Variants in COMMD10 observed in about 807,000 individuals in gnomAD.
The protein encoded by COMMD10 is COMM domain containing 10, also known as COMM domain-containing protein 10.
A neutral mutation model predicts 28.9 loss-of-function variants in COMMD10; 33 were observed. The ratio of observed to expected loss-of-function variants is 1.14; its 90% CI spans 0.87 to 1.53. The LOEUF is 1.53. COMMD10 is among the 40% of genes most tolerant of loss of function. The pLI is 0.00. For missense variants in COMMD10, 310 were observed against 233.4 expected (o/e 1.33, Z -2.14); for synonymous variants, 110 against 81.7 (o/e 1.35, Z -1.87).
chr5:116,265,351 TA>T (rs1750557656), intron 5 of COMMD10, among the ~76,000 whole-genome samples: 1 of 151,724 alleles, frequency 6.6e-6, no homozygotes, highest in Non-Finnish European at 1.5e-5. Flanking sequence ...TCAGACAACC[TA>T]TAGGTATGAG....
intron 5 of COMMD10, among the ~76,000 whole-genome samples, chr5:116,230,093 G>A (rs1336154591): frequency 6.6e-6 from 1 of 151,796 alleles, no homozygotes; most frequent in African/African-American, 2.4e-5. Flanking sequence ...TGTCTATTTT[G>A]CAGTATTTTC....
At chr5:116,252,104 G>T (rs1199409703) in intron 5 of COMMD10, among the ~76,000 whole-genome samples, 1 of 149,332 alleles carries the variant, frequency 6.7e-6, no homozygotes, top group African/African-American at 2.5e-5. Flanking sequence ...CTTCTTTTGA[G>T]AAGTGTCTGT....
At chr5:116,271,649 C>T (rs982692316) in intron 5 of COMMD10, among the ~76,000 whole-genome samples, 1 of 151,736 alleles carries the variant, frequency 6.6e-6, no homozygotes, top group Non-Finnish European at 1.5e-5. Flanking sequence ...AATGGTTTCA[C>T]ATTAGTCTGG....
In COMMD10 at chr5:116,282,873, A is replaced by T. The variant is rs527465050; in HGVS notation, c.511-8644A>T. Among the ~76,000 whole-genome samples the T allele has an allele frequency of 1.3e-3, 192 of 152,016 alleles. 2 individuals are homozygous for T. The highest frequency in any genetic ancestry group is 5.9e-4 in the Non-Finnish European group (40 of 68,036). ...CTGTGGTACTAGGCGTTAGGACTTCAACTTAAAAATTTTGAGAACACAGAA... is the reference window on the plus strand; with the variant it reads ...CTGTGGTACTAGGCGTTAGGACTTCTACTTAAAAATTTTGAGAACACAGAA... On this transcript the variant is annotated intron_variant, in intron 5 of 6. Coordinates refer to ENST00000274458, the MANE Select transcript of COMMD10 (RefSeq NM_016144.4).
chr5:116,127,117 A>G (rs900221590), intron 4 of COMMD10, among the ~76,000 whole-genome samples: 1 of 152,206 alleles, frequency 6.6e-6, no homozygotes, highest in African/African-American at 2.4e-5. Flanking sequence ...TGGGCAAAGG[A>G]TATGAACAGA....
chr5:116,097,739 C>T (rs1750514233), intron 4 of COMMD10, among the ~76,000 whole-genome samples: 1 of 152,012 alleles, frequency 6.6e-6, no homozygotes, highest in Non-Finnish European at 1.5e-5. Context: ...GGGGAGGCCT[C>T]AGGAAACTTA....
chr5:116,273,251 C>T (rs1029364866), intron 5 of COMMD10, among the ~76,000 whole-genome samples: 24 of 151,692 alleles, frequency 1.6e-4, no homozygotes, highest in East Asian at 1.2e-3. Context: ...ATAGTTTTTT[C>T]ATAATATGCA....
intron 5 of COMMD10, among the ~76,000 whole-genome samples, chr5:116,165,674 T>C (rs1753066150): frequency 6.6e-6 from 1 of 151,906 alleles, no homozygotes; most frequent in African/African-American, 2.4e-5. Flanking sequence ...GAGTGAGCTC[T>C]CTGGTGTCTC....
At chr5:116,219,935 A>G (rs983251098) in intron 5 of COMMD10, among the ~76,000 whole-genome samples, 2 of 151,744 alleles carry the variant, frequency 1.3e-5, no homozygotes, top group African/African-American at 2.4e-5. Context: ...ATTTTGATAG[A>G]GTTTTTTATT....
chr5:116,189,528 C>A (rs1014677178), intron 5 of COMMD10, among the ~76,000 whole-genome samples: 3 of 152,140 alleles, frequency 2.0e-5, no homozygotes, highest in African/African-American at 4.8e-5. Flanking sequence ...TGTGTGCCAT[C>A]CGAATTGTTT....
At chr5:116,215,159 A>C (rs1473936600) in intron 5 of COMMD10, among the ~76,000 whole-genome samples, 3 of 152,004 alleles carry the variant, frequency 2.0e-5, no homozygotes, top group Non-Finnish European at 4.4e-5. Flanking sequence ...TCTCATTTTA[A>C]GGTATTAGCC....
chr5:116,091,770 A>G (rs1750304192), intron 3 of COMMD10, among the ~76,000 whole-genome samples: 1 of 152,182 alleles, frequency 6.6e-6, no homozygotes, highest in African/African-American at 2.4e-5. Flanking sequence ...GCAGGATCAT[A>G]TTTTTTGTGT....
intron 4 of COMMD10, among the ~76,000 whole-genome samples, chr5:116,131,872 A>G (rs1751874336): frequency 6.6e-6 from 1 of 152,116 alleles, no homozygotes; most frequent in African/African-American, 2.4e-5. Context: ...CATGTGAAAC[A>G]GCATAGTATG....
intron 5 of COMMD10, among the ~76,000 whole-genome samples, chr5:116,286,866 G>A (rs1434315368): frequency 6.6e-6 from 1 of 151,630 alleles, no homozygotes; most frequent in African/African-American, 2.4e-5. Flanking sequence ...ATGTCTGTTA[G>A]GTCTAATTGG....
chr5:116,160,146 G>C (rs1225030126), intron 5 of COMMD10, among the ~76,000 whole-genome samples: 1 of 152,222 alleles, frequency 6.6e-6, no homozygotes, highest in Middle Eastern at 3.4e-3. Context: ...CTAGACCCTT[G>C]AACCTATTTT....
intron 5 of COMMD10, among the ~76,000 whole-genome samples, chr5:116,151,694 G>C (rs187778760): frequency 2.6e-5 from 4 of 152,004 alleles, no homozygotes; most frequent in Non-Finnish European, 5.9e-5. Flanking sequence ...CTGTGGGATC[G>C]GTGGTGATAT....
intron 5 of COMMD10, among the ~76,000 whole-genome samples, chr5:116,164,850 G>A (rs1227245157): frequency 1.3e-5 from 2 of 152,124 alleles, no homozygotes; most frequent in Admixed American, 6.5e-5. Flanking sequence ...CACTTAATAA[G>A]CTATAATGTG....
intron 5 of COMMD10, among the ~76,000 whole-genome samples, chr5:116,217,661 G>T (rs1421848735): frequency 3.3e-5 from 5 of 152,188 alleles, no homozygotes; most frequent in Non-Finnish European, 7.3e-5. Context: ...AGTTAAGTCT[G>T]TGCTGATAGA....
chr5:116,260,595 T>C (rs1228839361), intron 5 of COMMD10, among the ~76,000 whole-genome samples: 1 of 151,860 alleles, frequency 6.6e-6, no homozygotes, highest in Admixed American at 6.6e-5. Flanking sequence ...CACTGTCTTG[T>C]TCTATGCAAG....
Sources: gnomAD v4.1 joint callset for allele counts (sites outside exome capture counted in the v4.1 genomes callset) on GRCh38, gnomAD v4.1.1 for gene constraint, MANE v1.5 for transcripts, NCBI Gene and HGNC (gene_info 2026-07-23, HGNC 2026-07-21) for gene names.